Variants in ITPR1 observed in about 807,000 individuals in gnomAD.
The protein encoded by ITPR1 is inositol 1,4,5-trisphosphate-gated calcium channel ITPR1.
Under a neutral mutation model 318.4 loss-of-function variants are expected in ITPR1, and 96 were observed. That is an observed-to-expected ratio of 0.30 (90% confidence interval 0.26 to 0.36). The LOEUF is 0.36. Among genes scored for constraint, ITPR1 ranks in the 10% least tolerant of loss-of-function variants. The pLI is 1.00. For synonymous variants in ITPR1, 1,312 were observed against 1,289.9 expected (o/e 1.02, Z -0.37); for missense variants, 2,440 against 3,460.2 (o/e 0.71, Z 7.40).
intron 20 of ITPR1, among the ~76,000 whole-genome samples, chr3:4,672,268 G>A (rs1180146143): frequency 6.6e-6 from 1 of 152,182 alleles, no homozygotes; most frequent in Non-Finnish European, 1.5e-5. Flanking sequence ...AGTTGTAGAC[G>A]ACAAGCTTTG....
At chr3:4,629,839 T>G (rs140850659) in intron 5 of ITPR1, among the ~76,000 whole-genome samples, 259 of 152,248 alleles carry the variant, frequency 1.7e-3, no homozygotes, top group African/African-American at 5.4e-3. Context: ...AAGTGCCGAG[T>G]AAGCCTCAGT....
intron 32 of ITPR1, among the ~76,000 whole-genome samples, 187 bp from the exon 33 acceptor site, chr3:4,693,303 G>A (rs747960526): frequency 7.1e-4 from 108 of 152,108 alleles, no homozygotes; most frequent in Admixed American, 2.0e-3. Flanking sequence ...TGTATCTGTG[G>A]ACTAAAATTA....
chr3:4,834,870 G>A (rs1401067938), intron 60 of ITPR1, among the ~76,000 whole-genome samples: 3 of 152,180 alleles, frequency 2.0e-5, no homozygotes, highest in East Asian at 3.8e-4. Flanking sequence ...TAAGACACAT[G>A]AATGAAGTGT....
intron 59 of ITPR1, among the ~76,000 whole-genome samples, chr3:4,817,745 G>A (rs1283343872): frequency 6.6e-6 from 1 of 152,170 alleles, no homozygotes; most frequent in African/African-American, 2.4e-5. Flanking sequence ...TGCAATATGT[G>A]AGAGTGTCAC....
intron 39 of ITPR1, among the ~76,000 whole-genome samples, chr3:4,712,782 T>C (rs1264506416): frequency 2.0e-5 from 3 of 152,258 alleles, no homozygotes; most frequent in Admixed American, 1.3e-4. Flanking sequence ...GCAATGTTAC[T>C]AGTGAGACTC....
chr3:4,674,041 A>T (rs2094139549), intron 21 of ITPR1, among the ~76,000 whole-genome samples, 161 bp from the exon 22 acceptor site: 1 of 152,244 alleles, frequency 6.6e-6, no homozygotes, highest in South Asian at 2.1e-4. Context: ...TAAACGACTC[A>T]AATATATAGT....
intron 4 of ITPR1, among the ~76,000 whole-genome samples, chr3:4,618,819 G>A (rs2092485248): frequency 6.6e-6 from 1 of 152,176 alleles, no homozygotes; most frequent in Admixed American, 6.5e-5. Context: ...CTGTCTGTGG[G>A]ATGGATGACT....
At chr3:4,654,476 A>T in intron 12 of ITPR1, among the ~76,000 whole-genome samples, 1 of 152,238 alleles carries the variant, frequency 6.6e-6, no homozygotes, top group East Asian at 1.9e-4. Flanking sequence ...TAATGCTGAT[A>T]CGTAGACACT....
chr3:4,768,247 G>T (rs2045944928), intron 45 of ITPR1: 2 of 358,242 alleles, frequency 5.6e-6, no homozygotes, highest in African/African-American at 4.1e-5. Flanking sequence ...GTGTGAGGCT[G>T]ACAGAACCTG....
Position 4,510,027 on chromosome 3 carries a change from T to C in ITPR1, c.-16-6449T>C, listed in dbSNP as rs1041772693. ...GACAGTGGTAGTGGACCCAGGTTGC[T>C]GTATAGAAGAGTATGTTGGAAACGT... is the stretch of plus-strand genomic sequence containing the variant. On this transcript the variant is annotated intron_variant, in intron 2 of 61. Coordinates refer to ENST00000649015, the MANE Select transcript of ITPR1 (RefSeq NM_001378452.1). Among the ~76,000 whole-genome samples, 4 of 152,238 alleles carry C rather than the reference T, an allele frequency of 2.6e-5. No individual in the cohort carries two copies. In the East Asian group the frequency reaches 5.8e-4, roughly 22 times the overall value.
chr3:4,627,673 A>AT (rs1375078343), intron 4 of ITPR1, 90 bp from the exon 5 acceptor site: 1 of 770,856 alleles, frequency 1.3e-6, no homozygotes, highest in East Asian at 2.5e-5. Context: ...ATTTTATGTA[A>AT]TTTTTTAAGT....
chr3:4,507,019 A>C (rs2081439204), intron 2 of ITPR1, among the ~76,000 whole-genome samples: 1 of 152,232 alleles, frequency 6.6e-6, no homozygotes, highest in African/African-American at 2.4e-5. Context: ...TTTAAAAACC[A>C]ATTACACATT....
intron 30 of ITPR1, among the ~76,000 whole-genome samples, chr3:4,688,017 G>A (rs1261306904): frequency 1.3e-5 from 2 of 152,174 alleles, no homozygotes; most frequent in African/African-American, 4.8e-5. Context: ...GTCAGCCCCA[G>A]TTCTGTTGTC....
intron 13 of ITPR1, among the ~76,000 whole-genome samples, chr3:4,658,981 C>A (rs2093773179): frequency 6.6e-6 from 1 of 152,158 alleles, no homozygotes; most frequent in African/African-American, 2.4e-5. Context: ...GTATTGCTAT[C>A]ACCCTTTCTT....
chr3:4,545,296 C>G (rs2084861926), intron 4 of ITPR1, among the ~76,000 whole-genome samples: 1 of 152,072 alleles, frequency 6.6e-6, no homozygotes. Context: ...GTTCTTATTT[C>G]TATACTTGTA....
At chr3:4,682,510 T>C (rs1299069991) in intron 26 of ITPR1, among the ~76,000 whole-genome samples, 1 of 152,220 alleles carries the variant, frequency 6.6e-6, no homozygotes, top group Non-Finnish European at 1.5e-5. Flanking sequence ...CCAGTGTTAA[T>C]AGTCTACCTC....
chr3:4,765,403 G>A (rs1393825456), intron 44 of ITPR1, among the ~76,000 whole-genome samples: 1 of 152,244 alleles, frequency 6.6e-6, no homozygotes, highest in Non-Finnish European at 1.5e-5. Flanking sequence ...ATGGCTGGAG[G>A]AGTCAGAGTA....
chr3:4,772,854 C>T (rs2046267968), intron 46 of ITPR1, among the ~76,000 whole-genome samples: 1 of 152,210 alleles, frequency 6.6e-6, no homozygotes, highest in Non-Finnish European at 1.5e-5. Flanking sequence ...TGTCCAGACA[C>T]TCTGAAAGCC....
At chr3:4,539,570 A>C (rs2084220022) in intron 4 of ITPR1, among the ~76,000 whole-genome samples, 1 of 152,170 alleles carries the variant, frequency 6.6e-6, no homozygotes, top group Non-Finnish European at 1.5e-5. Flanking sequence ...AACTCATAGA[A>C]CTGTATACGG....
Sources: allele counts gnomAD v4.1 joint callset (sites outside exome capture counted in the v4.1 genomes callset), GRCh38; gene constraint gnomAD v4.1.1; transcripts MANE v1.5; gene names NCBI Gene and HGNC (gene_info 2026-07-23, HGNC 2026-07-21).